SCNN1B: variants seen among roughly 807,000 people sequenced by gnomAD.
SCNN1B encodes epithelial sodium channel subunit beta.
Under a neutral mutation model 65.3 loss-of-function variants are expected in SCNN1B, and 46 were observed. That is an observed-to-expected ratio of 0.70 (90% CI 0.56 to 0.90). SCNN1B has a LOEUF of 0.90. Ranked by LOEUF, SCNN1B falls within the 40% of genes least tolerant of loss-of-function variation. SCNN1B has a pLI of 0.00. For synonymous variants in SCNN1B, 349 were observed against 330.6 expected (o/e 1.06, Z -0.60); for missense variants, 751 against 830.5 (o/e 0.90, Z 1.18).
At chr16:23,359,023 T>C (rs1204110295) in intron 4 of SCNN1B, among the ~76,000 whole-genome samples, 3 of 152,206 alleles carry the variant, frequency 2.0e-5, no homozygotes, top group African/African-American at 4.8e-5. Flanking sequence ...TCTAAGCACT[T>C]TGTGTGTTAA....
chr16:23,318,604 G>A (rs144778977), intron 1 of SCNN1B, among the ~76,000 whole-genome samples: 9 of 152,262 alleles, frequency 5.9e-5, no homozygotes, highest in South Asian at 4.1e-4. Context: ...CTGAGACTTC[G>A]TCTAAAGAAA....
intron 8 of SCNN1B, among the ~76,000 whole-genome samples, chr16:23,376,243 G>A (rs1342537150): frequency 6.6e-6 from 1 of 152,198 alleles, no homozygotes; most frequent in Non-Finnish European, 1.5e-5. Context: ...GCGTCCAAAT[G>A]CACAGGAGCT....
chr16:23,299,594 A>G (rs990939749), upstream of SCNN1B, among the ~76,000 whole-genome samples: 1 of 152,230 alleles, frequency 6.6e-6, no homozygotes, highest in African/African-American at 2.4e-5. Flanking sequence ...AAGCAATGGT[A>G]GGTCATCACT....
intron 3 of SCNN1B, among the ~76,000 whole-genome samples, chr16:23,353,864 C>T (rs962665661): frequency 6.6e-6 from 1 of 152,224 alleles, no homozygotes; most frequent in African/African-American, 2.4e-5. Context: ...GTCCCCTGCC[C>T]GTGTCTCAGG....
chr16:23,353,707 C>A (rs939145123), intron 3 of SCNN1B, among the ~76,000 whole-genome samples: 7 of 152,212 alleles, frequency 4.6e-5, no homozygotes, highest in Admixed American at 3.9e-4. Flanking sequence ...GAGGGAGGAA[C>A]TAAGTCTTGT....
chr16:23,308,656 A>T (rs960281500), intron 1 of SCNN1B, among the ~76,000 whole-genome samples: 9 of 152,098 alleles, frequency 5.9e-5, no homozygotes, highest in Non-Finnish European at 1.3e-4. Context: ...ATTTATTTTG[A>T]GACAGAGTCT....
chr16:23,343,739 T>C (rs1270297417), intron 1 of SCNN1B, among the ~76,000 whole-genome samples: 2 of 152,192 alleles, frequency 1.3e-5, no homozygotes, highest in African/African-American at 4.8e-5. Flanking sequence ...ACATTTACCA[T>C]GAGTTCAGGG....
At chr16:23,377,144 G>C in intron 8 of SCNN1B, 21 bp from the exon 9 acceptor site, 1 of 1,611,498 alleles carries the variant, frequency 6.2e-7, no homozygotes, top group South Asian at 1.1e-5. Context: ...CCTCTTGGCC[G>C]CCTTTCTGTC....
intron 2 of SCNN1B, among the ~76,000 whole-genome samples, chr16:23,285,960 C>A (rs369827342): frequency 2.0e-5 from 3 of 151,930 alleles, no homozygotes; most frequent in Non-Finnish European, 1.5e-5. Context: ...GGCAACAGAG[C>A]GAGACACTGT....
chr16:23,348,180 G>A lies in SCNN1B; in HGVS notation c.-8-412G>A, dbSNP rs1239616421. 6.6e-6 allele frequency among the ~76,000 whole-genome samples: 1 copy of A among 152,038 alleles called. No homozygotes were observed. The highest frequency in any genetic ancestry group is 2.4e-5 in the African/African-American group (1 of 41,384). ...GAATCTACTTTCTTTTCTCATCAATGTTACAATGAAACATTGAACAAAACG... is the reference window on the plus strand; with the variant it reads ...GAATCTACTTTCTTTTCTCATCAATATTACAATGAAACATTGAACAAAACG... On this transcript the variant is annotated intron_variant, in intron 1 of 12. Transcript: ENST00000343070. The surrounding 1 kb of genome is among the most constrained non-coding windows in gnomAD (Gnocchi z 4.5).
chr16:23,377,580 C>CTTTCT (rs1567319347), intron 10 of SCNN1B, among the ~76,000 whole-genome samples, 194 bp downstream of exon 10: 13 of 146,004 alleles, frequency 8.9e-5, no homozygotes, highest in African/African-American at 3.4e-4. Context: ...TTTTCCCTTC[C>CTTTCT]TCCCTCCCTT....
intron 1 of SCNN1B, among the ~76,000 whole-genome samples, chr16:23,319,979 T>G (rs939644540): frequency 1.3e-5 from 2 of 152,064 alleles, no homozygotes; most frequent in African/African-American, 2.4e-5. Flanking sequence ...ATTCCTGGGC[T>G]CAAGTGATCC....
chr16:23,371,443 C>T lies in SCNN1B; in HGVS notation c.1025C>T (p.Thr342Met), dbSNP rs746238062. Residue 342 changes from threonine to methionine, a missense_variant, in exon 6 of 13, where the codon ACG becomes ATG. Transcript: ENST00000343070. ...ATCTACGCCATGTCGGGGACAGAGA[C>T]GTCCATCGGGGTACTCGTGGTATGG... is the stretch of plus-strand genomic sequence containing the variant. ...EGIYAMSGTE[T>M]SIGVLVDKLQ... is the part of the protein sequence containing the mutation. The T allele has an allele frequency of 1.2e-5, 20 of 1,613,854 alleles. No individual in the cohort carries two copies. Among genetic ancestry groups the T allele is most frequent in the South Asian group, 1.1e-4 (10 of 91,066 alleles).
rs8062922 is a variant in SCNN1B, at chr16:23,355,591, C to T, written c.776+102C>T. ...CTGCCAGGGTTCCAATCCTGCCCAG[C>T]CACTTACCGGCTATCTGCAGCACAG... On this transcript the variant is annotated intron_variant, in intron 4 of 12. Coordinates refer to ENST00000343070, the MANE Select transcript of SCNN1B (RefSeq NM_000336.3). The T allele has an allele frequency of 0.093, 110,523 of 1,187,082 alleles. 6,940 individuals carry two copies. Among genetic ancestry groups the T allele is most frequent in the African/African-American group, 0.3 (19,852 of 66,314 alleles). 73.5% of individuals were successfully genotyped at this position (1,187,082 alleles called of 1,614,324 possible). A position where few individuals can be genotyped will look rare whatever the true frequency, so the allele number is the denominator to read the frequency against.
At chr16:23,378,879 C>G (rs1473304686) in intron 11 of SCNN1B, 112 bp downstream of exon 11, 11 of 1,041,910 alleles carry the variant, frequency 1.1e-5, no homozygotes, top group Non-Finnish European at 1.6e-5. Flanking sequence ...TGGGTCAGAC[C>G]GAGGAGCAAG....
At chr16:23,283,120 C>T (rs1175285327) in intron 1 of SCNN1B, among the ~76,000 whole-genome samples, 1 of 152,234 alleles carries the variant, frequency 6.6e-6, no homozygotes, top group Non-Finnish European at 1.5e-5. Context: ...GCTCAGAACA[C>T]TTACGTTAAG....
chr16:23,374,268 G>GAAAAAAAAAA lies in SCNN1B; in HGVS notation c.1153-1458_1153-1449dup, dbSNP rs1223701346. 7.8e-3 allele frequency among the ~76,000 whole-genome samples: 469 copies of GAAAAAAAAAA among 60,374 alleles called. 21 individuals are homozygous for GAAAAAAAAAA. The highest frequency in any genetic ancestry group is 8.7e-3 in the Non-Finnish European group (277 of 31,658). 39.6% of individuals were successfully genotyped at this position (60,374 alleles called of 152,430 possible). On this transcript the variant is annotated intron_variant, in intron 7 of 12. Transcript: ENST00000343070. ...GCAACAGAGTGAGACCCTGTCTCAG[G>GAAAAAAAAAA]AAAAAAAAAAAAAAAAAAAAAGAGG...
chr16:23,343,567 GAAAGAAA>G, intron 1 of SCNN1B, among the ~76,000 whole-genome samples: 1 of 126,908 alleles, frequency 7.9e-6, no homozygotes, highest in South Asian at 2.6e-4. Context: ...AAGGAAAAAA[GAAAGAAA>G]GAAAAAGAGA....
At chr16:23,372,962 C>T (rs577766168) in intron 7 of SCNN1B, among the ~76,000 whole-genome samples, 1 of 151,648 alleles carries the variant, frequency 6.6e-6, no homozygotes, top group Admixed American at 6.5e-5. Flanking sequence ...AAAAAATTAG[C>T]CAGGCGTCGT....
Sources: allele counts gnomAD v4.1 joint callset (sites outside exome capture counted in the v4.1 genomes callset), GRCh38; gene constraint gnomAD v4.1.1; non-coding constraint Gnocchi (gnomAD v3.1); transcripts MANE v1.5; gene names NCBI Gene and HGNC (gene_info 2026-07-23, HGNC 2026-07-21).